Variants in SPATA16 observed in about 807,000 individuals in gnomAD.
SPATA16 encodes spermatogenesis-associated protein 16.
SPATA16 carries 36 observed loss-of-function variants against 63.3 expected under a neutral mutation model. That is an observed-to-expected ratio of 0.57 (90% CI 0.44 to 0.75). SPATA16 has a LOEUF of 0.75. SPATA16 is among the 30% of genes least tolerant of loss of function. SPATA16 has a pLI of 0.00. For missense variants in SPATA16, 646 were observed against 679.3 expected (o/e 0.95, Z 0.54); for synonymous variants, 203 against 216.7 (o/e 0.94, Z 0.56).
chr3:173,038,200 C>T (rs2108287933), intron 3 of SPATA16, among the ~76,000 whole-genome samples: 1 of 151,894 alleles, frequency 6.6e-6, no homozygotes, highest in East Asian at 1.9e-4. Context: ...TTTTTTTTAT[C>T]TCCTCCAATA....
At chr3:173,110,647 A>G (rs1737729089) in intron 2 of SPATA16, among the ~76,000 whole-genome samples, 1 of 152,200 alleles carries the variant, frequency 6.6e-6, no homozygotes, top group Admixed American at 6.5e-5. Flanking sequence ...AAAGCACCTT[A>G]TTATCTATCA....
intron 2 of SPATA16, among the ~76,000 whole-genome samples, chr3:173,074,163 T>C (rs1274635980): frequency 2.0e-5 from 3 of 152,214 alleles, no homozygotes; most frequent in East Asian, 1.9e-4. Flanking sequence ...TACAGGCTCA[T>C]AGGTGGAAGG....
At chr3:173,112,042 C>CAT (rs1157224414) in intron 2 of SPATA16, among the ~76,000 whole-genome samples, 1 of 151,986 alleles carries the variant, frequency 6.6e-6, no homozygotes, top group Admixed American at 6.6e-5. Context: ...AAAACTGCTC[C>CAT]ATATTTTATG....
intron 2 of SPATA16, among the ~76,000 whole-genome samples, chr3:173,092,199 T>C (rs1441341357): frequency 6.6e-6 from 1 of 152,146 alleles, no homozygotes; most frequent in Non-Finnish European, 1.5e-5. Context: ...ATCTCTTAAA[T>C]ACTGCCATCC....
intron 2 of SPATA16, among the ~76,000 whole-genome samples, chr3:173,067,955 G>A (rs550930867): frequency 6.6e-6 from 1 of 152,290 alleles, no homozygotes; most frequent in Admixed American, 6.5e-5. Context: ...GAAGTGGAAT[G>A]ACATTCAAAG....
At chr3:172,948,359 C>T (rs1409240699) in intron 6 of SPATA16, among the ~76,000 whole-genome samples, 1 of 152,076 alleles carries the variant, frequency 6.6e-6, no homozygotes, top group African/African-American at 2.4e-5. Context: ...AAGTATTTTA[C>T]CCTAGAATAG....
At chr3:172,968,439 G>C (rs1159826651) in intron 5 of SPATA16, among the ~76,000 whole-genome samples, 1 of 152,222 alleles carries the variant, frequency 6.6e-6, no homozygotes, top group Non-Finnish European at 1.5e-5. Context: ...CTATTGGCAT[G>C]TACATGTTGG....
At chr3:173,108,306 A>T (rs1485270758) in intron 2 of SPATA16, among the ~76,000 whole-genome samples, 1 of 152,190 alleles carries the variant, frequency 6.6e-6, no homozygotes, top group Non-Finnish European at 1.5e-5. Context: ...ATATGAGATT[A>T]TGTTCAGTAT....
chr3:172,892,715 C>A (rs1218152265), intron 10 of SPATA16, among the ~76,000 whole-genome samples: 1 of 151,962 alleles, frequency 6.6e-6, no homozygotes, highest in Non-Finnish European at 1.5e-5. Context: ...TTCTGTAAAG[C>A]CCTTAGGAAA....
At chr3:172,905,184 GC>G (rs1732206777) in intron 10 of SPATA16, among the ~76,000 whole-genome samples, 2 of 152,230 alleles carry the variant, frequency 1.3e-5, no homozygotes, top group South Asian at 4.2e-4. Context: ...TAATAAGGAA[GC>G]CCATAACCAA....
intron 10 of SPATA16, among the ~76,000 whole-genome samples, chr3:172,905,192 C>T (rs903030241): frequency 1.2e-4 from 18 of 152,066 alleles, no homozygotes; most frequent in African/African-American, 2.4e-5. Context: ...AAGCCCATAA[C>T]CAAAAGCAAG....
At chr3:173,135,622 A>G (rs944199841) in intron 1 of SPATA16, among the ~76,000 whole-genome samples, 1 of 152,262 alleles carries the variant, frequency 6.6e-6, no homozygotes, top group African/African-American at 2.4e-5. Context: ...AGGAACTACA[A>G]CTACAAGCAA....
chr3:173,125,457 C>T (rs989903804), intron 1 of SPATA16, among the ~76,000 whole-genome samples: 1 of 152,156 alleles, frequency 6.6e-6, no homozygotes, highest in African/African-American at 2.4e-5. Flanking sequence ...ATCTCTGATG[C>T]CTCTGCCTCC....
At chr3:172,983,328 CTT>C (rs59406777) in intron 4 of SPATA16, among the ~76,000 whole-genome samples, 31 of 142,364 alleles carry the variant, frequency 2.2e-4, no homozygotes, top group African/African-American at 3.6e-4. Context: ...AGTGACCTCT[CTT>C]TTTTTTTTTT....
intron 6 of SPATA16, among the ~76,000 whole-genome samples, chr3:172,931,372 TTGAGACTAAAGGTACA>T (rs1732869211): frequency 6.6e-6 from 1 of 152,152 alleles, no homozygotes; most frequent in South Asian, 2.1e-4. Flanking sequence ...TCCAGAGAAG[TTGAGACTAAAGGTACA>T]TGCCCCCATG....
intron 10 of SPATA16, among the ~76,000 whole-genome samples, chr3:172,902,128 C>G (rs934604837): frequency 2.1e-4 from 32 of 152,312 alleles, no homozygotes; most frequent in African/African-American, 7.7e-4. Flanking sequence ...ACCTCCGCCT[C>G]TCGGGTTCAA....
At chr3:172,971,141 A>G (rs766734127) in intron 5 of SPATA16, among the ~76,000 whole-genome samples, 1 of 152,178 alleles carries the variant, frequency 6.6e-6, no homozygotes, top group Non-Finnish European at 1.5e-5. Context: ...AACTTCCATG[A>G]AGACACCTCT....
At chr3:173,038,477 A>G (rs1735763758) in intron 3 of SPATA16, among the ~76,000 whole-genome samples, 2 of 152,058 alleles carry the variant, frequency 1.3e-5, no homozygotes, top group Admixed American at 1.3e-4. Flanking sequence ...ATCTTTTAAA[A>G]TATTTTTGGA....
chr3:173,098,115 A>C (rs1737405169), intron 2 of SPATA16, among the ~76,000 whole-genome samples: 1 of 151,910 alleles, frequency 6.6e-6, no homozygotes, highest in South Asian at 2.1e-4. Context: ...TTATGGAATA[A>C]TTCCACCAAT....
Sources: gnomAD v4.1 joint callset for allele counts (sites outside exome capture counted in the v4.1 genomes callset) on GRCh38, gnomAD v4.1.1 for gene constraint, MANE v1.5 for transcripts, NCBI Gene and HGNC (gene_info 2026-07-23, HGNC 2026-07-21) for gene names.